The following DNAH12 variants were observed in gnomAD, a reference collection of about 807,000 sequenced individuals.
The protein encoded by DNAH12 is axonemal beta dynein heavy chain 12.
A neutral mutation model predicts 371.5 loss-of-function variants in DNAH12; 285 were observed. That is an observed-to-expected ratio of 0.77 (90% CI 0.70 to 0.85). The LOEUF is 0.85. DNAH12 is among the 40% of genes least tolerant of loss of function. The probability of loss-of-function intolerance (pLI) is 0.00; values close to 1 mark genes in which losing one functional copy is unlikely to be tolerated. For synonymous variants in DNAH12, 1,200 were observed against 1,213.0 expected (o/e 0.99, Z 0.22); for missense variants, 3,611 against 3,689.4 (o/e 0.98, Z 0.55).
At chr3:57,526,552 CAG>C (rs1491201882) in intron 2 of DNAH12, among the ~76,000 whole-genome samples, 1 of 124,626 alleles carries the variant, frequency 8.0e-6, no homozygotes, top group East Asian at 2.5e-4. Context: ...TTTTTTGAGA[CAG>C]AGTCTGGCTC....
the DNAH12 span, among the ~76,000 whole-genome samples, chr3:57,554,085 T>C: frequency 6.6e-6 from 1 of 151,204 alleles, no homozygotes; most frequent in Non-Finnish European, 1.5e-5. Context: ...AGACGGCGTT[T>C]TAACATATTT....
intron 58 of DNAH12, among the ~76,000 whole-genome samples, 183 bp from the exon 59 acceptor site, chr3:57,357,531 G>A (rs2153325577): frequency 6.6e-6 from 1 of 152,084 alleles, no homozygotes; most frequent in East Asian, 1.9e-4. Context: ...AACAAAAGGG[G>A]ATGAAGGAAA....
chr3:57,552,966 C>T, the DNAH12 span, among the ~76,000 whole-genome samples: 87 of 152,164 alleles, frequency 5.7e-4, no homozygotes, highest in African/African-American at 1.9e-3. Context: ...CACCTGAGGT[C>T]GGGAGTTTGA....
intron 60 of DNAH12, among the ~76,000 whole-genome samples, chr3:57,336,517 T>C (rs1553653780): frequency 6.6e-6 from 1 of 152,196 alleles, no homozygotes. Flanking sequence ...TATTTACTTA[T>C]TTCTTTTCCA....
At position 57,444,768 on chromosome 3, in the gene DNAH12, CAT is replaced by C; in HGVS notation, c.4472_4473del (p.His1491ArgfsTer6). The C allele has an allele frequency of 6.5e-7, 1 of 1,548,554 alleles. No homozygotes were observed. Among genetic ancestry groups the C allele is most frequent in the Non-Finnish European group, 8.7e-7 (1 of 1,146,000 alleles). On this transcript the variant is annotated frameshift_variant, in exon 29 of 74. Coordinates refer to ENST00000495027, the MANE Select transcript of DNAH12 (RefSeq NM_001366028.2). LOFTEE classifies it high-confidence loss of function. ...KDVNEPKFLSHDIPLFNGITS... is the reference protein window; with the variant it reads ...KDVNEPKFLSXDIPLFNGITS... ...GTTATTCCATTAAATAAAGGTATATCATGTGATAAAAACTTTGGTTCATTTAC... is the reference window on the plus strand; with the variant it reads ...GTTATTCCATTAAATAAAGGTATATCGTGATAAAAACTTTGGTTCATTTAC...
At chr3:57,540,842 A>C (rs1272653129) in intron 2 of DNAH12, among the ~76,000 whole-genome samples, 1 of 151,922 alleles carries the variant, frequency 6.6e-6, no homozygotes, top group Admixed American at 6.6e-5. Flanking sequence ...AGATGGGAGG[A>C]TCACGAGAGT....
At chr3:57,415,272 T>C (rs1157784043) in intron 38 of DNAH12, among the ~76,000 whole-genome samples, 154 bp downstream of exon 38, 1 of 152,216 alleles carries the variant, frequency 6.6e-6, no homozygotes, top group East Asian at 1.9e-4. Context: ...CTGAAACTTG[T>C]ATCATTAATT....
chr3:57,337,142 CAA>C (rs1559565127), intron 60 of DNAH12, among the ~76,000 whole-genome samples: 1 of 151,906 alleles, frequency 6.6e-6, no homozygotes, highest in East Asian at 1.9e-4. Flanking sequence ...TAAAAAGTAC[CAA>C]GAGACAAATA....
At chr3:57,382,096 T>A (rs1472360263) in intron 50 of DNAH12, among the ~76,000 whole-genome samples, 166 bp downstream of exon 50, 1 of 152,058 alleles carries the variant, frequency 6.6e-6, no homozygotes, top group Non-Finnish European at 1.5e-5. Context: ...TGGAACCACG[T>A]TTTTTGACAC....
chr3:57,458,241 CAA>C, intron 20 of DNAH12, 21 bp from the exon 21 acceptor site: 1 of 1,529,074 alleles, frequency 6.5e-7, no homozygotes, highest in Non-Finnish European at 8.8e-7. Context: ...CACATGCATT[CAA>C]GTCAGCACTT....
intron 62 of DNAH12, among the ~76,000 whole-genome samples, chr3:57,328,880 A>C (rs1450631876): frequency 1.5e-5 from 2 of 130,560 alleles, no homozygotes; most frequent in Non-Finnish European, 3.1e-5. Context: ...ATACAAAATC[A>C]ATGTACAAAA....
intron 5 of DNAH12, among the ~76,000 whole-genome samples, chr3:57,509,861 T>TAAAAAA (rs902155403): frequency 2.0e-3 from 95 of 46,544 alleles, no homozygotes; most frequent in African/African-American, 3.1e-3. Flanking sequence ...GACTCCATCA[T>TAAAAAA]AAAAAAAAAA....
intron 43 of DNAH12, among the ~76,000 whole-genome samples, chr3:57,396,347 C>A: frequency 7.1e-6 from 1 of 141,668 alleles, no homozygotes; most frequent in South Asian, 2.4e-4. Flanking sequence ...ATAAAATTTA[C>A]AATACAATAT....
chr3:57,381,157 C>T (rs1260457737), intron 50 of DNAH12, among the ~76,000 whole-genome samples: 4 of 152,108 alleles, frequency 2.6e-5, no homozygotes, highest in African/African-American at 9.7e-5. Context: ...GGTAAAAGCA[C>T]ATGCTACATA....
rs2063716998 is a variant in DNAH12 at position 57,395,413 on chromosome 3, A to C, written c.6949-1081T>G. On this transcript the variant is annotated intron_variant, in intron 43 of 73. Coordinates refer to ENST00000495027, the MANE Select transcript of DNAH12 (RefSeq NM_001366028.2). The stretch of plus-strand genomic sequence containing the variant: ...TTTTAAAAATAACCTTCTATATTGT[A>C]AAACTATGTATTTTAAATCATTAAA... 4.6e-5 allele frequency among the ~76,000 whole-genome samples: 7 copies of C among 152,334 alleles called. 1 individual carries two copies. In the South Asian group the frequency reaches 1.4e-3, roughly 32 times the overall value.
intron 9 of DNAH12, 54 bp from the exon 10 acceptor site, chr3:57,502,533 T>C: frequency 6.6e-7 from 1 of 1,516,232 alleles, no homozygotes; most frequent in East Asian, 2.5e-5. Context: ...AACTGTATAA[T>C]TAATCTATAT....
At chr3:57,311,994 G>C (rs2061592830) in intron 66 of DNAH12, among the ~76,000 whole-genome samples, 1 of 152,164 alleles carries the variant, frequency 6.6e-6, no homozygotes, top group Non-Finnish European at 1.5e-5. Context: ...ATGAAGGCCT[G>C]AATTTATTTC....
intron 59 of DNAH12, among the ~76,000 whole-genome samples, chr3:57,354,369 G>C (rs1486956444): frequency 6.6e-6 from 1 of 151,922 alleles, no homozygotes; most frequent in African/African-American, 2.4e-5. Context: ...AGGACGGTGA[G>C]GTTCAAAAAA....
At chr3:57,391,624 A>G (rs2063625349) in intron 45 of DNAH12, among the ~76,000 whole-genome samples, 1 of 152,174 alleles carries the variant, frequency 6.6e-6, no homozygotes, top group African/African-American at 2.4e-5. Flanking sequence ...CCCTTTGCAC[A>G]TCAACATTAT....
Sources: gnomAD v4.1 joint callset for allele counts (sites outside exome capture counted in the v4.1 genomes callset) on GRCh38, gnomAD v4.1.1 for gene constraint, MANE v1.5 for transcripts, NCBI Gene and HGNC (gene_info 2026-07-23, HGNC 2026-07-21) for gene names.